CDH12: variants seen among roughly 807,000 people sequenced by gnomAD.
CDH12 encodes cadherin-12.
A neutral mutation model predicts 74.1 loss-of-function variants in CDH12; 41 were observed. The observed-to-expected ratio is 0.55, with a 90% CI of 0.43 to 0.72. The LOEUF (loss-of-function observed/expected upper bound fraction) is 0.72. Ranked by LOEUF, CDH12 falls within the 30% of genes least tolerant of loss-of-function variation. The pLI is 0.00. For missense variants in CDH12, 945 were observed against 977.2 expected (o/e 0.97, Z 0.44); for synonymous variants, 399 against 355.0 (o/e 1.12, Z -1.39).
At chr5:22,820,992 A>G (rs1216514737) in intron 1 of CDH12, among the ~76,000 whole-genome samples, 1 of 152,194 alleles carries the variant, frequency 6.6e-6, no homozygotes, top group Non-Finnish European at 1.5e-5. Context: ...TCAATAAAAT[A>G]CTGGCAAACC....
chr5:22,150,511 A>ATG (rs1334849976), intron 4 of CDH12, among the ~76,000 whole-genome samples: 1 of 135,632 alleles, frequency 7.4e-6, no homozygotes, highest in African/African-American at 2.7e-5. Flanking sequence ...GAACATATAT[A>ATG]TGTATATATA....
At chr5:22,402,704 G>C (rs968937584) in intron 3 of CDH12, among the ~76,000 whole-genome samples, 1 of 152,164 alleles carries the variant, frequency 6.6e-6, no homozygotes, top group Non-Finnish European at 1.5e-5. Flanking sequence ...TTCACTGTTG[G>C]AAGAGCAAAT....
At chr5:21,770,465 A>G (rs967303594) in intron 11 of CDH12, among the ~76,000 whole-genome samples, 1 of 152,000 alleles carries the variant, frequency 6.6e-6, no homozygotes, top group African/African-American at 2.4e-5. Flanking sequence ...CTCTACTAGA[A>G]ATACAAAAAG....
At chr5:22,389,464 A>G (rs962755511) in intron 3 of CDH12, among the ~76,000 whole-genome samples, 17 of 152,160 alleles carry the variant, frequency 1.1e-4, no homozygotes, top group Non-Finnish European at 2.4e-4. Flanking sequence ...CTAAAGATGT[A>G]ACTTTGGCTT....
At chr5:22,678,164 A>G (rs183410125) in intron 1 of CDH12, among the ~76,000 whole-genome samples, 1 of 152,160 alleles carries the variant, frequency 6.6e-6, no homozygotes, top group African/African-American at 2.4e-5. Flanking sequence ...GAACGAATCT[A>G]CAAATTTAGA....
intron 1 of CDH12, among the ~76,000 whole-genome samples, chr5:22,827,838 C>T (rs927771195): frequency 6.6e-6 from 1 of 152,158 alleles, no homozygotes; most frequent in Admixed American, 6.5e-5. Context: ...ATGGAAACTG[C>T]AATGAGTGCT....
Position 21,760,630 on chromosome 5 carries a change from C to T in CDH12, c.1561G>A (p.Gly521Arg), listed in dbSNP as rs1352500409. Residue 521 changes from glycine to arginine, a missense_variant, in exon 13 of 15, where the codon GGG becomes AGG. Transcript: ENST00000382254. The stretch of plus-strand genomic sequence containing the variant: ...GATAATCTAAAGGAGAATTGTTGCC[C>T]AGCAGGTGAAAGATCTCGGTCTGCA... Reference protein sequence around the residue: ...SAADRDLSPAGQQFSFRLSPE... With the variant: ...SAADRDLSPARQQFSFRLSPE... 3 of 1,611,910 alleles carry T rather than the reference C, an allele frequency of 1.9e-6. No individual in the cohort carries two copies. Among genetic ancestry groups the T allele is most frequent in the African/African-American group, 2.7e-5 (2 of 74,836 alleles).
intron 2 of CDH12, among the ~76,000 whole-genome samples, chr5:22,497,304 C>T (rs1174705004): frequency 2.0e-5 from 3 of 152,140 alleles, no homozygotes; most frequent in African/African-American, 7.2e-5. Flanking sequence ...TTCATTTGTT[C>T]AGTTACTGGC....
At chr5:22,847,020 A>G (rs943153672) in intron 1 of CDH12, among the ~76,000 whole-genome samples, 1 of 152,200 alleles carries the variant, frequency 6.6e-6, no homozygotes, top group Non-Finnish European at 1.5e-5. Flanking sequence ...GGTTATTGAC[A>G]CGACTACAAT....
chr5:22,350,784 G>A (rs751582984), intron 3 of CDH12, among the ~76,000 whole-genome samples: 2 of 152,166 alleles, frequency 1.3e-5, no homozygotes, highest in Non-Finnish European at 1.5e-5. Context: ...TAGTCAAAAT[G>A]TTTTGGATTA....
intron 10 of CDH12, 51 bp downstream of exon 10, chr5:21,802,116 G>C: frequency 6.5e-7 from 1 of 1,530,766 alleles, no homozygotes; most frequent in South Asian, 1.2e-5. Flanking sequence ...TTTTGTTCTT[G>C]TTTTGTTTTG....
chr5:22,154,541 GTA>G (rs1381883717), intron 4 of CDH12, among the ~76,000 whole-genome samples: 2 of 41,096 alleles, frequency 4.9e-5, no homozygotes, highest in Non-Finnish European at 5.0e-5. Flanking sequence ...ATGTATATAT[GTA>G]TATGTGTACA....
chr5:21,806,349 G>A (rs1747426192), intron 9 of CDH12, among the ~76,000 whole-genome samples: 1 of 152,122 alleles, frequency 6.6e-6, no homozygotes, highest in Non-Finnish European at 1.5e-5. Context: ...AGGAGCCAAT[G>A]AGAGCCTGAC....
At chr5:22,277,559 A>G (rs1345950431) in intron 3 of CDH12, among the ~76,000 whole-genome samples, 1 of 152,138 alleles carries the variant, frequency 6.6e-6, no homozygotes, top group South Asian at 2.1e-4. Flanking sequence ...CAGGCCAGGC[A>G]TGGTGGCTCA....
chr5:21,850,711 G>A (rs1750419041), intron 7 of CDH12, among the ~76,000 whole-genome samples: 1 of 151,464 alleles, frequency 6.6e-6, no homozygotes, highest in Admixed American at 6.6e-5. Context: ...TATCAGTCAT[G>A]TGGGCAAACT....
At chr5:21,880,612 CTT>C (rs1752250778) in intron 6 of CDH12, among the ~76,000 whole-genome samples, 4 of 69,930 alleles carry the variant, frequency 5.7e-5, no homozygotes, top group African/African-American at 2.6e-4. Flanking sequence ...TCCTTCCTTC[CTT>C]CCTTCTTTCT....
chr5:22,486,886 C>G (rs985802656), intron 2 of CDH12, among the ~76,000 whole-genome samples: 1 of 152,162 alleles, frequency 6.6e-6, no homozygotes, highest in African/African-American at 2.4e-5. Flanking sequence ...TTATCTCCAA[C>G]TTTCACATCT....
At chr5:22,824,481 A>C (rs1749903464) in intron 1 of CDH12, among the ~76,000 whole-genome samples, 1 of 152,144 alleles carries the variant, frequency 6.6e-6, no homozygotes, top group African/African-American at 2.4e-5. Flanking sequence ...CATATAAATA[A>C]ATAAAAATCC....
intron 1 of CDH12, among the ~76,000 whole-genome samples, chr5:22,743,237 CA>C (rs2127021020): frequency 6.8e-6 from 1 of 148,018 alleles, no homozygotes; most frequent in African/African-American, 2.5e-5. Flanking sequence ...TGGGACTTCT[CA>C]GCATCCATAA....
Sources: gnomAD v4.1 joint callset for allele counts (sites outside exome capture counted in the v4.1 genomes callset) on GRCh38, gnomAD v4.1.1 for gene constraint, MANE v1.5 for transcripts, NCBI Gene and HGNC (gene_info 2026-07-23, HGNC 2026-07-21) for gene names.